DRC1: variants seen among roughly 807,000 people sequenced by gnomAD.
DRC1 encodes the protein dynein regulatory complex protein 1.
Under a neutral mutation model 98.7 loss-of-function variants are expected in DRC1, and 74 were observed. The ratio of observed to expected loss-of-function variants is 0.75; its 90% CI spans 0.62 to 0.91. The LOEUF is 0.91. Among genes scored for constraint, DRC1 ranks in the 40% least tolerant of loss-of-function variants. DRC1 has a pLI of 0.00. For missense variants in DRC1, 875 were observed against 886.0 expected, an observed-to-expected ratio of 0.99 and a Z score of 0.16; for synonymous variants, 336 against 334.1, an observed-to-expected ratio of 1.01 and a Z score of -0.06.
In DRC1 at chr2:26,441,921, A is replaced by G. The variant is rs538449803; in HGVS notation, c.1028+1404A>G. 4.0e-4 allele frequency among the ~76,000 whole-genome samples: 61 copies of G among 152,216 alleles called. No individual in the cohort carries two copies. The Middle Eastern group carries it at 0.01, about 25-fold the overall frequency. On this transcript the variant is annotated intron_variant, in intron 8 of 16. Transcript: ENST00000288710. ...CCATTTTCCTTTCCTGCTCACCACCACCCAGCATTTCACAATTTGACATAT... is the reference window on the plus strand; with the variant it reads ...CCATTTTCCTTTCCTGCTCACCACCGCCCAGCATTTCACAATTTGACATAT...
Position 26,424,360 on chromosome 2 carries a change from T to C in DRC1, c.446T>C (p.Ile149Thr), listed in dbSNP as rs370204252. The part of the protein sequence containing the change: ...SKWEEGKQKR[I>T]PQELWEMLNT... ...TGGGAAGAGGGCAAGCAGAAGAGAA[T>C]TCCCCAAGAGCTGTGGGAAATGCTC... The change falls in exon 4 of 17, where the codon ATT becomes ACT. Residue 149 changes from isoleucine (I) to threonine (T), a missense_variant. Transcript: ENST00000288710. 3 of 1,613,754 alleles carry C rather than the reference T, an allele frequency of 1.9e-6. No homozygotes were observed. The highest frequency in any genetic ancestry group is 1.7e-6 in the Non-Finnish European group (2 of 1,179,978).
intron 8 of DRC1, 108 bp downstream of exon 8, chr2:26,440,625 A>C: frequency 7.6e-7 from 1 of 1,307,346 alleles, no homozygotes; most frequent in Non-Finnish European, 9.9e-7. Context: ...AAATATAACC[A>C]ACACTTATTA....
At chr2:26,423,536 G>C (rs1296470826) in intron 3 of DRC1, among the ~76,000 whole-genome samples, 1 of 152,112 alleles carries the variant, frequency 6.6e-6, no homozygotes, top group African/African-American at 2.4e-5. Context: ...CCCAGCCTCG[G>C]TGTGCTCTAT....
At chr2:26,408,418 A>C (rs983812447) in intron 1 of DRC1, among the ~76,000 whole-genome samples, 1 of 152,136 alleles carries the variant, frequency 6.6e-6, no homozygotes, top group African/African-American at 2.4e-5. Context: ...TTCATATTCC[A>C]GGCAGGAGGC....
At chr2:26,410,532 A>C (rs1678572669) in intron 1 of DRC1, among the ~76,000 whole-genome samples, 1 of 152,198 alleles carries the variant, frequency 6.6e-6, no homozygotes, top group African/African-American at 2.4e-5. Flanking sequence ...TTGGCCTCCC[A>C]AAGTGCTGGG....
chr2:26,404,399 A>T (rs1177535441), intron 1 of DRC1, among the ~76,000 whole-genome samples: 1 of 152,074 alleles, frequency 6.6e-6, no homozygotes, highest in African/African-American at 2.4e-5. Flanking sequence ...CATTTGGCCC[A>T]ATCAGTAGCC....
In DRC1 at chr2:26,437,349, C is replaced by CA. The variant is rs1490119080; in HGVS notation, c.889-3025dup. 4.6e-5 allele frequency among the ~76,000 whole-genome samples: 7 copies of CA among 152,280 alleles called. No homozygotes were observed. In the East Asian group the frequency reaches 1.4e-3, roughly 29 times the overall value. ...GGGATACTGTTCAACTCAGACATTTCAAAATTAAATTTTAAACAGGCTCAG... is the reference window on the plus strand; with the variant it reads ...GGGATACTGTTCAACTCAGACATTTCAAAAATTAAATTTTAAACAGGCTCAG... On this transcript the variant is annotated intron_variant, in intron 7 of 16. Transcript: ENST00000288710.
At chr2:26,421,467 C>G (rs1168835122) in intron 3 of DRC1, 67 bp downstream of exon 3, 2 of 1,382,218 alleles carry the variant, frequency 1.4e-6, no homozygotes, top group Non-Finnish European at 2.0e-6. Flanking sequence ...GCAGTTCTCC[C>G]GAATTGTTGG....
At chr2:26,411,053 T>C (rs1046509468) in intron 1 of DRC1, among the ~76,000 whole-genome samples, 2 of 152,196 alleles carry the variant, frequency 1.3e-5, no homozygotes, top group Non-Finnish European at 2.9e-5. Context: ...AGTAGAGTAT[T>C]CAAGATGGCA....
At chr2:26,402,229 C>G in intron 1 of DRC1, 85 bp downstream of exon 1, 1 of 1,459,150 alleles carries the variant, frequency 6.9e-7, no homozygotes, top group Non-Finnish European at 9.0e-7. Flanking sequence ...AACATTTCTT[C>G]GGGAAGGTTC....
chr2:26,445,547 G>A (rs1663829669), intron 10 of DRC1, among the ~76,000 whole-genome samples: 1 of 152,116 alleles, frequency 6.6e-6, no homozygotes, highest in African/African-American at 2.4e-5. Flanking sequence ...ATGTATTTTA[G>A]TTTACTAAAG....
chr2:26,418,595 TTTATATAATATATAAA>T (rs1401694940), intron 2 of DRC1, among the ~76,000 whole-genome samples: 1 of 100,012 alleles, frequency 1.0e-5, no homozygotes, highest in African/African-American at 4.9e-5. Flanking sequence ...TTATATATAA[TTTATATAATATATAAA>T]TTATATATAA....
At chr2:26,440,341 G>A in intron 7 of DRC1, 37 bp from the exon 8 acceptor site, 1 of 1,540,382 alleles carries the variant, frequency 6.5e-7, no homozygotes, top group Admixed American at 2.0e-5. Flanking sequence ...GTGTGTGTGT[G>A]TGTGTATATA....
At chr2:26,443,496 A>G (rs778144099) in intron 8 of DRC1, among the ~76,000 whole-genome samples, 1 of 152,146 alleles carries the variant, frequency 6.6e-6, no homozygotes, top group African/African-American at 2.4e-5. Flanking sequence ...GGTAAGTTAG[A>G]TGCCTCACCT....
chr2:26,435,526 T>A (rs1413268814), intron 7 of DRC1, among the ~76,000 whole-genome samples: 1 of 152,158 alleles, frequency 6.6e-6, no homozygotes, highest in Non-Finnish European at 1.5e-5. Context: ...ACCCGGGTAA[T>A]AAGCATAGTA....
chr2:26,418,611 A>T (rs10199585), intron 2 of DRC1, among the ~76,000 whole-genome samples: 1,520 of 90,682 alleles, frequency 0.017, 68 homozygotes, highest in African/African-American at 0.075. Flanking sequence ...TAATATATAA[A>T]TTATATATAA....
At chr2:26,447,613 C>T (rs1456816883) in intron 10 of DRC1, among the ~76,000 whole-genome samples, 1 of 151,824 alleles carries the variant, frequency 6.6e-6, no homozygotes, top group East Asian at 2.0e-4. Context: ...GTTGCCCAGG[C>T]TGGAGTGCAG....
chr2:26,410,585 T>C (rs1186596786), intron 1 of DRC1, among the ~76,000 whole-genome samples: 1 of 152,178 alleles, frequency 6.6e-6, no homozygotes, highest in Non-Finnish European at 1.5e-5. Flanking sequence ...GAAAAATATT[T>C]TTTTTTAATT....
At chr2:26,412,940 G>A (rs1164727386) in intron 1 of DRC1, among the ~76,000 whole-genome samples, 8 of 151,934 alleles carry the variant, frequency 5.3e-5, no homozygotes, top group African/African-American at 1.7e-4. Context: ...CCACCACCAC[G>A]CCCGGCTAAT....
Sources: allele counts gnomAD v4.1 joint callset (sites outside exome capture counted in the v4.1 genomes callset), GRCh38; gene constraint gnomAD v4.1.1; transcripts MANE v1.5; gene names NCBI Gene and HGNC (gene_info 2026-07-23, HGNC 2026-07-21).